ACBD6: variants seen among roughly 807,000 people sequenced by gnomAD.
ACBD6 encodes acyl-CoA-binding domain-containing protein 6.
Under a neutral mutation model 37.2 loss-of-function variants are expected in ACBD6, and 28 were observed. The ratio of observed to expected loss-of-function variants is 0.75; its 90% CI spans 0.56 to 1.03. The LOEUF (loss-of-function observed/expected upper bound fraction) is 1.03. Ranked by LOEUF, ACBD6 falls within the 50% of genes least tolerant of loss-of-function variation. The pLI is 0.00. For synonymous variants in ACBD6, 113 were observed against 126.8 expected (o/e 0.89, Z 0.73); for missense variants, 340 against 337.4 (o/e 1.01, Z -0.06).
chr1:180,442,775 T>C (rs1195251536), intron 3 of ACBD6, among the ~76,000 whole-genome samples: 2 of 152,206 alleles, frequency 1.3e-5, no homozygotes, highest in African/African-American at 4.8e-5. Context: ...ATTTTTTACT[T>C]CAGATATTAT....
intron 6 of ACBD6, among the ~76,000 whole-genome samples, chr1:180,321,961 T>A (rs1004950566): frequency 6.6e-6 from 1 of 151,964 alleles, no homozygotes; most frequent in African/African-American, 2.4e-5. Context: ...GATCTTACAG[T>A]TTTTCCCCAT....
intron 6 of ACBD6, among the ~76,000 whole-genome samples, chr1:180,370,673 C>CGT (rs1287956612): frequency 1.3e-5 from 2 of 151,840 alleles, no homozygotes; most frequent in Admixed American, 6.6e-5. Context: ...ATGGAACTAT[C>CGT]GTGTGTGTGT....
intron 3 of ACBD6, among the ~76,000 whole-genome samples, chr1:180,436,265 T>C (rs1271503147): frequency 6.6e-6 from 1 of 152,176 alleles, no homozygotes; most frequent in South Asian, 2.1e-4. Context: ...ATTGAGTAAA[T>C]GAAAGAAATT....
intron 3 of ACBD6, among the ~76,000 whole-genome samples, chr1:180,465,275 G>T (rs1362923306): frequency 6.6e-6 from 1 of 152,072 alleles, no homozygotes; most frequent in Non-Finnish European, 1.5e-5. Context: ...CATCTGACAA[G>T]CTCTAATATC....
chr1:180,289,987 T>A (rs1409569257), intron 7 of ACBD6, among the ~76,000 whole-genome samples: 1 of 152,188 alleles, frequency 6.6e-6, no homozygotes, highest in Non-Finnish European at 1.5e-5. Context: ...GCCATATGAT[T>A]GAGAGGCATG....
At chr1:180,303,095 C>T (rs1224935256) in intron 7 of ACBD6, among the ~76,000 whole-genome samples, 11 of 151,344 alleles carry the variant, frequency 7.3e-5, no homozygotes, top group Non-Finnish European at 1.5e-4. Flanking sequence ...CTCTGGGACA[C>T]ATTCAAAGCA....
chr1:180,407,096 T>C (rs1647657027), intron 5 of ACBD6, among the ~76,000 whole-genome samples: 1 of 152,220 alleles, frequency 6.6e-6, no homozygotes, highest in South Asian at 2.1e-4. Flanking sequence ...CCACCTCCCT[T>C]ATGTTCTTAA....
rs549512585 is a variant in ACBD6 at position 180,383,384 on chromosome 1, G to A, written c.663+14132C>T. ...CATATAAAAAATCAGTAGGGTTTCCGTACCCCAATAATGAACTAGCTGAGA... is the reference window on the plus strand; with the variant it reads ...CATATAAAAAATCAGTAGGGTTTCCATACCCCAATAATGAACTAGCTGAGA... On this transcript the variant is annotated intron_variant, in intron 6 of 7. Transcript: ENST00000367595. Among the ~76,000 whole-genome samples, 20 of 152,074 alleles carry A rather than the reference G, an allele frequency of 1.3e-4. No homozygotes were observed. In the East Asian group the frequency reaches 1.4e-3, roughly 10 times the overall value.
intron 6 of ACBD6, among the ~76,000 whole-genome samples, chr1:180,397,140 A>G (rs1204430942): frequency 6.6e-6 from 1 of 152,236 alleles, no homozygotes; most frequent in Non-Finnish European, 1.5e-5. Flanking sequence ...ACATGTTACA[A>G]TATAGATACA....
intron 3 of ACBD6, among the ~76,000 whole-genome samples, chr1:180,466,992 T>A (rs1309867403): frequency 6.6e-6 from 1 of 152,114 alleles, no homozygotes; most frequent in Admixed American, 6.5e-5. Flanking sequence ...TCCTATATGA[T>A]CCCCAAAGAT....
At chr1:180,338,600 T>C (rs1487164248) in intron 6 of ACBD6, among the ~76,000 whole-genome samples, 4 of 152,270 alleles carry the variant, frequency 2.6e-5, no homozygotes, top group African/African-American at 9.6e-5. Context: ...GGCAATACCA[T>C]TCAGGACATA....
chr1:180,495,332 A>G (rs1651690219), intron 2 of ACBD6, 129 bp downstream of exon 2: 1 of 643,510 alleles, frequency 1.6e-6, no homozygotes, highest in African/African-American at 1.8e-5. Context: ...ATTGCCTGTC[A>G]TTAGTACAAT....
At chr1:180,404,447 A>C (rs1289886462) in intron 5 of ACBD6, among the ~76,000 whole-genome samples, 1 of 151,844 alleles carries the variant, frequency 6.6e-6, no homozygotes, top group Non-Finnish European at 1.5e-5. Context: ...TCATGTGAAA[A>C]AAATATATAT....
intron 3 of ACBD6, among the ~76,000 whole-genome samples, chr1:180,456,719 T>C (rs1571535928): frequency 6.6e-6 from 1 of 152,086 alleles, no homozygotes; most frequent in Non-Finnish European, 1.5e-5. Context: ...GACTAAATGT[T>C]GATCTTTAAA....
chr1:180,389,864 G>A (rs913519550), intron 6 of ACBD6, among the ~76,000 whole-genome samples: 3 of 151,942 alleles, frequency 2.0e-5, no homozygotes, highest in Non-Finnish European at 2.9e-5. Context: ...TTTTTTTCTT[G>A]TAAATTGGTT....
chr1:180,404,288 ATGG>A (rs1647510535), intron 5 of ACBD6, among the ~76,000 whole-genome samples: 1 of 151,912 alleles, frequency 6.6e-6, no homozygotes, highest in Non-Finnish European at 1.5e-5. Context: ...AAAAAGTTGT[ATGG>A]TGGTGGTGGT....
intron 3 of ACBD6, among the ~76,000 whole-genome samples, chr1:180,455,741 T>C (rs776113187): frequency 5.9e-5 from 9 of 152,164 alleles, no homozygotes; most frequent in Non-Finnish European, 8.8e-5. Flanking sequence ...AACCATAAAA[T>C]TGAATTAATT....
intron 6 of ACBD6, among the ~76,000 whole-genome samples, chr1:180,340,552 A>T (rs1221948438): frequency 1.3e-5 from 2 of 152,094 alleles, no homozygotes; most frequent in Non-Finnish European, 2.9e-5. Context: ...GGCATTACAT[A>T]AATGGGCAAG....
chr1:180,305,240 A>G (rs1650305648), intron 7 of ACBD6, among the ~76,000 whole-genome samples: 1 of 152,224 alleles, frequency 6.6e-6, no homozygotes. Context: ...AAAAGCCAAA[A>G]TTGACAAATG....
Sources: allele counts gnomAD v4.1 joint callset (sites outside exome capture counted in the v4.1 genomes callset), GRCh38; gene constraint gnomAD v4.1.1; transcripts MANE v1.5; gene names NCBI Gene and HGNC (gene_info 2026-07-23, HGNC 2026-07-21).